PDE5A: variants seen among roughly 807,000 people sequenced by gnomAD.
The protein encoded by PDE5A is phosphodiesterase 5A.
In PDE5A, 67 loss-of-function variants were observed where a neutral mutation model predicts 110.2. That is an observed-to-expected ratio of 0.61 (90% CI 0.50 to 0.75). PDE5A has a LOEUF of 0.75. Among genes scored for constraint, PDE5A ranks in the 30% least tolerant of loss-of-function variants. The pLI is 0.00. For missense variants in PDE5A, 862 were observed against 1,045.1 expected (o/e 0.82, Z 2.42); for synonymous variants, 328 against 351.2 (o/e 0.93, Z 0.74).
At chr4:119,558,742 C>T (rs956621097) in intron 7 of PDE5A, among the ~76,000 whole-genome samples, 1 of 151,562 alleles carries the variant, frequency 6.6e-6, no homozygotes, top group African/African-American at 2.4e-5. Flanking sequence ...ACAGTGAAAC[C>T]CCGTCTCTAC....
At chr4:119,602,686 G>A (rs1398049209) in intron 2 of PDE5A, among the ~76,000 whole-genome samples, 3 of 152,184 alleles carry the variant, frequency 2.0e-5, no homozygotes, top group East Asian at 1.9e-4. Context: ...GAAACAATTC[G>A]TATTTCTTTA....
At chr4:119,546,837 T>C (rs1027896926) in intron 9 of PDE5A, among the ~76,000 whole-genome samples, 1 of 152,248 alleles carries the variant, frequency 6.6e-6, no homozygotes, top group South Asian at 2.1e-4. Context: ...TCTTTGTTAC[T>C]GTAGTAAATG....
chr4:119,553,054 T>C (rs1476645688), intron 8 of PDE5A, among the ~76,000 whole-genome samples: 1 of 152,148 alleles, frequency 6.6e-6, no homozygotes, highest in Non-Finnish European at 1.5e-5. Flanking sequence ...GCTATTGCTA[T>C]ATTGCTAAAG....
intron 12 of PDE5A, among the ~76,000 whole-genome samples, chr4:119,524,999 T>C (rs1007297355): frequency 1.3e-4 from 20 of 152,198 alleles, no homozygotes; most frequent in African/African-American, 4.1e-4. Flanking sequence ...AACTAAAAGC[T>C]TGGCCTCCCA....
At chr4:119,615,871 C>T (rs1300105231) in intron 1 of PDE5A, among the ~76,000 whole-genome samples, 2 of 152,090 alleles carry the variant, frequency 1.3e-5, no homozygotes, top group South Asian at 2.1e-4. Flanking sequence ...TAATGAAAGA[C>T]AACAGGCCCT....
rs529440007 is a variant in PDE5A, at chr4:119,566,305, C to T, written c.903+768G>A. ...GATAAAAATAACTGTCTTGTTTGAA[C>T]GTCTTCCAAATTCAAAAGCTCCTAG... On this transcript the variant is annotated intron_variant, in intron 4 of 20. Coordinates refer to ENST00000354960, the MANE Select transcript of PDE5A (RefSeq NM_001083.4). 5.3e-5 allele frequency among the ~76,000 whole-genome samples: 8 copies of T among 152,244 alleles called. No homozygotes were observed. In the South Asian group the frequency reaches 1.0e-3, roughly 20 times the overall value.
chr4:119,536,453 G>T (rs1216152200), intron 11 of PDE5A, among the ~76,000 whole-genome samples: 2 of 152,108 alleles, frequency 1.3e-5, no homozygotes, highest in African/African-American at 4.8e-5. Flanking sequence ...AGGAAGAATA[G>T]ACAAATGGGC....
chr4:119,585,282 A>G (rs2110525349), intron 3 of PDE5A, among the ~76,000 whole-genome samples: 1 of 152,240 alleles, frequency 6.6e-6, no homozygotes, highest in African/African-American at 2.4e-5. Flanking sequence ...TCTCAAAAAA[A>G]AAAAAAAAAA....
In PDE5A at chr4:119,548,044, AT is replaced by A. The variant is rs11438089; in HGVS notation, c.1396+4505del. ...GATCACTTTGTCCATTTCTCCGTGT[AT>A]TTTTTTTTTTTTTTTTTTTTTGAGA... On this transcript the variant is annotated intron_variant, in intron 9 of 20. Transcript: ENST00000354960. Among the ~76,000 whole-genome samples the A allele has an allele frequency of 5.4e-3, 516 of 94,754 alleles. 1 individual carries two copies. The highest frequency in any genetic ancestry group is 7.8e-3 in the Admixed American group (52 of 6,636). 62.2% of individuals were successfully genotyped at this position (94,754 alleles called of 152,430 possible).
chr4:119,542,451 T>G lies in PDE5A; in HGVS notation c.1572+8A>C, dbSNP rs1278933161. 6.2e-7 allele frequency: 1 copy of G among 1,612,896 alleles called. No homozygotes were observed. Among genetic ancestry groups the G allele is most frequent in the Admixed American group, 1.7e-5 (1 of 59,918 alleles). ...GTACAGTGTGAGAGGTCCCTAAACT[T>G]CACCCACCTCCAATGTGACCATTTG... On this transcript the variant is annotated splice_region_variant and intron_variant, in intron 10 of 20. Transcript: ENST00000354960.
intron 1 of PDE5A, among the ~76,000 whole-genome samples, chr4:119,618,429 A>C (rs992622849): frequency 2.0e-5 from 3 of 152,138 alleles, no homozygotes; most frequent in Non-Finnish European, 4.4e-5. Context: ...ATTTCATATT[A>C]AAATAAAAGA....
chr4:119,557,863 C>T (rs1029580541), intron 7 of PDE5A, among the ~76,000 whole-genome samples: 5 of 152,128 alleles, frequency 3.3e-5, no homozygotes, highest in Non-Finnish European at 5.9e-5. Context: ...AAGTAGTAGT[C>T]TTTACTTATT....
intron 9 of PDE5A, chr4:119,549,648 A>G (rs1316484269): frequency 1.3e-5 from 2 of 152,228 alleles, no homozygotes; most frequent in African/African-American, 2.4e-5. Flanking sequence ...AAAAATAGGC[A>G]TAAAAATGTC....
At chr4:119,532,269 A>G (rs927907096) in intron 11 of PDE5A, among the ~76,000 whole-genome samples, 1 of 152,238 alleles carries the variant, frequency 6.6e-6, no homozygotes, top group East Asian at 1.9e-4. Flanking sequence ...TATTATTATC[A>G]CCAAGAACTA....
At chr4:119,503,359 A>G (rs1304280250) in intron 18 of PDE5A, among the ~76,000 whole-genome samples, 2 of 152,164 alleles carry the variant, frequency 1.3e-5, no homozygotes, top group East Asian at 1.9e-4. Context: ...TCTGCAAAAC[A>G]TTATAGCAGT....
intron 7 of PDE5A, among the ~76,000 whole-genome samples, chr4:119,558,879 T>C (rs919928321): frequency 7.7e-6 from 1 of 130,334 alleles, no homozygotes; most frequent in East Asian, 2.3e-4. Flanking sequence ...ATCCCGCCAC[T>C]GCACTCCAGC....
intron 18 of PDE5A, among the ~76,000 whole-genome samples, chr4:119,503,107 T>C (rs994185373): frequency 6.6e-6 from 1 of 152,092 alleles, no homozygotes; most frequent in African/African-American, 2.4e-5. Flanking sequence ...CGTGTTGGCT[T>C]TGGCACATGG....
intron 3 of PDE5A, among the ~76,000 whole-genome samples, chr4:119,580,046 G>A (rs1728532560): frequency 6.6e-6 from 1 of 152,142 alleles, no homozygotes; most frequent in Non-Finnish European, 1.5e-5. Context: ...CGGGGCCAGG[G>A]CAAATCCAGC....
chr4:119,627,284 AC>A lies in PDE5A; in HGVS notation c.152+1235del. 1.3e-6 allele frequency: 2 copies of A among 1,495,012 alleles called. No homozygotes were observed. The highest frequency in any genetic ancestry group is 1.8e-6 in the Non-Finnish European group (2 of 1,114,692). The allele number at this position is 1,495,012 out of a possible 1,614,324, so 92.6% of individuals were successfully genotyped here. Reference sequence around the variant, plus strand: ...GGTGAGGTGAGGTCGGCGACTCAGAACCAGCTCCCTCACGGCCCCGGCCTCC... The same window carrying A: ...GGTGAGGTGAGGTCGGCGACTCAGAACAGCTCCCTCACGGCCCCGGCCTCC... On this transcript the variant is annotated intron_variant, in intron 1 of 20. Coordinates refer to ENST00000354960, the MANE Select transcript of PDE5A (RefSeq NM_001083.4). This position sits in a 1 kb window ranked among gnomAD's most constrained non-coding sequence, Gnocchi z 4.6.
Sources: gnomAD v4.1 joint callset for allele counts (sites outside exome capture counted in the v4.1 genomes callset) on GRCh38, gnomAD v4.1.1 for gene constraint, Gnocchi (gnomAD v3.1) non-coding constraint, MANE v1.5 for transcripts, NCBI Gene and HGNC (gene_info 2026-07-23, HGNC 2026-07-21) for gene names.